The following GSTM2 variants were observed in gnomAD, a reference collection of about 807,000 sequenced individuals.
GSTM2 encodes the protein glutathione S-transferase mu 2.
Under a neutral mutation model 33.3 loss-of-function variants are expected in GSTM2, and 33 were observed. The ratio of observed to expected loss-of-function variants is 0.99; its 90% CI spans 0.75 to 1.33. GSTM2 has a LOEUF of 1.33. Among genes scored for constraint, GSTM2 ranks in the 40% most tolerant of loss-of-function variants. GSTM2 has a pLI of 0.00. For synonymous variants in GSTM2, 93 were observed against 95.6 expected (o/e 0.97, Z 0.16); for missense variants, 213 against 265.8 (o/e 0.80, Z 1.38).
At chr1:109,673,909 G>A (rs1338923919) in intron 7 of GSTM2, among the ~76,000 whole-genome samples, 1 of 152,148 alleles carries the variant, frequency 6.6e-6, no homozygotes, top group Non-Finnish European at 1.5e-5. Context: ...TACCTTATCT[G>A]GGCATTCAAT....
chr1:109,673,156 C>G (rs1260880404), intron 7 of GSTM2: 1 of 1,603,862 alleles, frequency 6.2e-7, no homozygotes, highest in East Asian at 2.2e-5. Flanking sequence ...AAGCGTGAGC[C>G]ACCGCGCCTG....
intron 7 of GSTM2, among the ~76,000 whole-genome samples, chr1:109,674,036 T>C (rs1399917646): frequency 6.6e-6 from 1 of 152,200 alleles, no homozygotes; most frequent in Non-Finnish European, 1.5e-5. Flanking sequence ...ATGGAGAACC[T>C]TGGACTTTCT....
At position 109,669,476 on chromosome 1, in the gene GSTM2, G is replaced by C. The variant is rs1433281618; in HGVS notation, c.265G>C (p.Glu89Gln). ...YIARKHNLCG[E>Q]SEKEQIREDI... The stretch of plus-strand genomic sequence containing the variant: ...AATCTGCTTTACGAGGGTAGGCGGG[G>C]AATCAGAAAAGGAGCAGATTCGCGA... The change falls in exon 5 of 8, where the codon GAA (glutamate) becomes CAA (glutamine). Residue 89 changes from glutamate (E) to glutamine (Q), a missense_variant. Coordinates refer to ENST00000241337, the MANE Select transcript of GSTM2 (RefSeq NM_000848.4). 6.2e-7 allele frequency: 1 copy of C among 1,613,924 alleles called. No individual in the cohort carries two copies. The highest frequency in any genetic ancestry group is 1.1e-5 in the South Asian group (1 of 91,080).
At chr1:109,679,073 A>T (rs1275597982), downstream of GSTM2, among the ~76,000 whole-genome samples, 1 of 152,154 alleles carries the variant, frequency 6.6e-6, no homozygotes, top group Non-Finnish European at 1.5e-5. Flanking sequence ...CAATAACTTA[A>T]TTTATGGTGC....
chr1:109,678,759 C>CAA (rs1179423525), downstream of GSTM2, among the ~76,000 whole-genome samples: 11 of 69,706 alleles, frequency 1.6e-4, no homozygotes, highest in Admixed American at 3.2e-4. Flanking sequence ...GACTCCCTCT[C>CAA]AAAAAAAAAA....
At chr1:109,673,326 G>A (rs1647611910) in intron 7 of GSTM2, 1 of 1,549,990 alleles carries the variant, frequency 6.5e-7, no homozygotes, top group African/African-American at 1.4e-5. Flanking sequence ...TCCTGGAAAT[G>A]AGTGCAGTGA....
At position 109,674,858 on chromosome 1, in the gene GSTM2, G is replaced by C; in HGVS notation, c.*22G>C. ...GTAGGGCCTTGAAGGCCAGGAGGTG[G>C]GAGTGAGGAGCCCATACTCAGCCTG... On this transcript the variant is annotated 3_prime_UTR_variant, in exon 8 of 8. Transcript: ENST00000241337. 2.5e-6 allele frequency: 4 copies of C among 1,613,820 alleles called. No homozygotes were observed. The highest frequency in any genetic ancestry group is 3.4e-6 in the Non-Finnish European group (4 of 1,179,824).
chr1:109,668,111 G>C lies in GSTM2; in HGVS notation c.-5G>C, dbSNP rs377205064. ...CTGTCTGCAGAATCCACAGCAACCA[G>C]CACCATGCCCATGACACTGGGGTAC... On this transcript the variant is annotated 5_prime_UTR_variant, in exon 1 of 8. Coordinates refer to ENST00000241337, the MANE Select transcript of GSTM2 (RefSeq NM_000848.4). 6.2e-7 allele frequency: 1 copy of C among 1,612,920 alleles called. No individual in the cohort carries two copies. The highest frequency in any genetic ancestry group is 1.7e-5 in the Admixed American group (1 of 59,998).
At chr1:109,671,622 T>G in intron 7 of GSTM2, 39 bp downstream of exon 7, 1 of 1,054,864 alleles carries the variant, frequency 9.5e-7, no homozygotes, top group East Asian at 2.4e-5. Context: ...TGTCTCTTAT[T>G]CCTTTCCCTC....
intron 7 of GSTM2, among the ~76,000 whole-genome samples, chr1:109,672,203 C>T (rs1647565796): frequency 6.6e-6 from 1 of 152,008 alleles, no homozygotes; most frequent in African/African-American, 2.4e-5. Flanking sequence ...TCTCTTGAAC[C>T]TGGGAGGCGG....
chr1:109,672,146 G>T (rs1450157263), intron 7 of GSTM2, among the ~76,000 whole-genome samples: 1 of 151,704 alleles, frequency 6.6e-6, no homozygotes, highest in Admixed American at 6.6e-5. Flanking sequence ...TGGGCGTGGT[G>T]GCACATGCCT....
At chr1:109,676,177 A>G (rs957126845), downstream of GSTM2, among the ~76,000 whole-genome samples, 14 of 152,172 alleles carry the variant, frequency 9.2e-5, no homozygotes, top group Admixed American at 3.3e-4. Flanking sequence ...GGATTATTAC[A>G]ATTCAAGGTA....
chr1:109,669,217 C>T (rs1647439396), intron 3 of GSTM2, 73 bp from the exon 4 acceptor site: 5 of 1,547,440 alleles, frequency 3.2e-6, no homozygotes, highest in Admixed American at 1.7e-5. Flanking sequence ...TCCTCTTTGC[C>T]CTTGCATATG....
downstream of GSTM2, among the ~76,000 whole-genome samples, chr1:109,676,058 A>G (rs941938393): frequency 1.3e-5 from 2 of 152,216 alleles, no homozygotes; most frequent in African/African-American, 2.4e-5. Context: ...ACTCCCACTT[A>G]TAAAACCATC....
chr1:109,673,250 C>T, intron 7 of GSTM2: 1 of 1,611,906 alleles, frequency 6.2e-7, no homozygotes, highest in Non-Finnish European at 8.5e-7. Flanking sequence ...CTCCTGTTCA[C>T]TGACCTTCTC....
At chr1:109,673,337 G>A in intron 7 of GSTM2, 1 of 1,500,240 alleles carries the variant, frequency 6.7e-7, no homozygotes, top group Non-Finnish European at 9.1e-7. Context: ...AGTGCAGTGA[G>A]AGGCCTGCAG....
At chr1:109,679,996 T>G (rs1374011403), downstream of GSTM2, among the ~76,000 whole-genome samples, 1 of 152,138 alleles carries the variant, frequency 6.6e-6, no homozygotes, top group Non-Finnish European at 1.5e-5. Flanking sequence ...TCCTGGGACC[T>G]CCACACTCCT....
chr1:109,679,628 C>T (rs1212888551), downstream of GSTM2, among the ~76,000 whole-genome samples: 2 of 152,210 alleles, frequency 1.3e-5, no homozygotes, highest in Non-Finnish European at 2.9e-5. Flanking sequence ...CTACTGGTGG[C>T]TTAGTCAACT....
intron 7 of GSTM2, chr1:109,673,358 C>T: frequency 1.5e-6 from 2 of 1,376,718 alleles, no homozygotes; most frequent in Non-Finnish European, 2.0e-6. Flanking sequence ...GCAGAGCAGC[C>T]TGTGAAGTGT....
Sources: allele counts gnomAD v4.1 joint callset (sites outside exome capture counted in the v4.1 genomes callset), GRCh38; gene constraint gnomAD v4.1.1; transcripts MANE v1.5; gene names NCBI Gene and HGNC (gene_info 2026-07-23, HGNC 2026-07-21).